Variants in WWOX observed in about 807,000 individuals in gnomAD.
WWOX encodes WW domain-containing oxidoreductase.
WWOX carries 69 observed loss-of-function variants against 46.2 expected under a neutral mutation model. The ratio of observed to expected loss-of-function variants is 1.49; its 90% confidence interval spans 1.23 to 1.82. The LOEUF (loss-of-function observed/expected upper bound fraction) is 1.82, where lower values mean the gene tolerates loss of function less well. WWOX is among the 40% of genes most tolerant of loss of function. The pLI is 0.00. For synonymous variants in WWOX, 359 were observed against 202.6 expected (o/e 1.77, Z -6.56); for missense variants, 919 against 542.6 (o/e 1.69, Z -6.89).
chr16:78,705,677 GTTAT>G (rs945762866), intron 8 of WWOX, among the ~76,000 whole-genome samples: 1 of 152,084 alleles, frequency 6.6e-6, no homozygotes, highest in African/African-American at 2.4e-5. Flanking sequence ...TGTTTATTTA[GTTAT>G]TTATTTATTT....
At chr16:78,883,483 G>T (rs1207652118) in intron 8 of WWOX, among the ~76,000 whole-genome samples, 1 of 152,180 alleles carries the variant, frequency 6.6e-6, no homozygotes, top group African/African-American at 2.4e-5. Context: ...CAGCATTGCG[G>T]GAGGCTGAGG....
chr16:78,684,816 A>C (rs2047817614), intron 8 of WWOX, among the ~76,000 whole-genome samples: 1 of 152,192 alleles, frequency 6.6e-6, no homozygotes, highest in Non-Finnish European at 1.5e-5. Flanking sequence ...GTTTCAGTGA[A>C]GCAGTTATAG....
At chr16:78,714,471 C>A (rs1453198729) in intron 8 of WWOX, among the ~76,000 whole-genome samples, 4 of 151,984 alleles carry the variant, frequency 2.6e-5, no homozygotes, top group Non-Finnish European at 4.4e-5. Flanking sequence ...CGAGTCCCTC[C>A]CATGATACGT....
chr16:78,417,339 T>C (rs1342623184), intron 6 of WWOX, among the ~76,000 whole-genome samples: 1 of 152,154 alleles, frequency 6.6e-6, no homozygotes, highest in Non-Finnish European at 1.5e-5. Context: ...AAGATGCTGC[T>C]GTCTTGGCCT....
At chr16:78,725,419 C>T (rs576320996) in intron 8 of WWOX, among the ~76,000 whole-genome samples, 1 of 129,428 alleles carries the variant, frequency 7.7e-6, no homozygotes, top group Non-Finnish European at 1.5e-5. Context: ...GCAATCTGGG[C>T]TCCCTGCAAA....
intron 8 of WWOX, among the ~76,000 whole-genome samples, chr16:78,892,620 C>T (rs1318138757): frequency 1.3e-5 from 2 of 152,204 alleles, no homozygotes; most frequent in Admixed American, 6.5e-5. Flanking sequence ...TGAGATTCTG[C>T]GTGTGTGAAA....
chr16:79,158,065 C>G (rs1334800790), intron 8 of WWOX, among the ~76,000 whole-genome samples: 1 of 151,976 alleles, frequency 6.6e-6, no homozygotes, highest in African/African-American at 2.4e-5. Flanking sequence ...ATTTATTGAC[C>G]CTGGGAGGGG....
At chr16:78,121,504 C>G (rs549087176) in intron 4 of WWOX, among the ~76,000 whole-genome samples, 218 of 152,188 alleles carry the variant, frequency 1.4e-3, no homozygotes, top group Middle Eastern at 3.4e-3. Flanking sequence ...AAGTAAATAT[C>G]TAAAGGAAGA....
intron 8 of WWOX, among the ~76,000 whole-genome samples, chr16:78,642,306 C>A (rs1287526577): frequency 6.6e-6 from 1 of 152,168 alleles, no homozygotes; most frequent in Non-Finnish European, 1.5e-5. Context: ...AAGGATAGGA[C>A]TAGGAATCAG....
At chr16:78,722,530 G>C (rs547495156) in intron 8 of WWOX, among the ~76,000 whole-genome samples, 68 of 152,248 alleles carry the variant, frequency 4.5e-4, no homozygotes, top group African/African-American at 1.6e-3. Flanking sequence ...TTATTTCATG[G>C]AGTTCAGTAA....
chr16:79,037,398 G>A (rs188370539), intron 8 of WWOX, among the ~76,000 whole-genome samples: 22 of 152,210 alleles, frequency 1.4e-4, no homozygotes, highest in African/African-American at 2.9e-4. Flanking sequence ...GTGTGTTGGG[G>A]GAATGTGATT....
chr16:79,050,107 C>T (rs562730285), intron 8 of WWOX, among the ~76,000 whole-genome samples: 1 of 152,100 alleles, frequency 6.6e-6, no homozygotes, highest in African/African-American at 2.4e-5. Flanking sequence ...GCTGCTGCTG[C>T]GTAACCGTGT....
At chr16:79,210,114 G>C (rs1355809836) in intron 8 of WWOX, among the ~76,000 whole-genome samples, 1 of 152,142 alleles carries the variant, frequency 6.6e-6, no homozygotes, top group South Asian at 2.1e-4. Flanking sequence ...CAAAACCCAA[G>C]TCTTTGTCTC....
Position 78,537,935 on chromosome 16 carries a change from C to G in WWOX, c.1056+105183C>G, listed in dbSNP as rs180785657. Among the ~76,000 whole-genome samples the G allele has an allele frequency of 3.9e-5, 6 of 152,100 alleles. No homozygotes were observed. The East Asian group carries it at 5.8e-4, about 15-fold the overall frequency. Reference sequence around the variant, plus strand: ...GCTGCTTTTCACCTTACAGCAGCCCCGGCCTATCTCTCAGGAGGCCTGCTG... The same window carrying G: ...GCTGCTTTTCACCTTACAGCAGCCCGGGCCTATCTCTCAGGAGGCCTGCTG... On this transcript the variant is annotated intron_variant, in intron 8 of 8. Coordinates refer to ENST00000566780, the MANE Select transcript of WWOX (RefSeq NM_016373.4).
chr16:78,839,110 A>G (rs2052069701), intron 8 of WWOX, among the ~76,000 whole-genome samples: 1 of 152,118 alleles, frequency 6.6e-6, no homozygotes, highest in Non-Finnish European at 1.5e-5. Flanking sequence ...CTGCATGTGA[A>G]TCTACACTTA....
intron 6 of WWOX, among the ~76,000 whole-genome samples, chr16:78,401,085 A>G (rs888042553): frequency 1.3e-5 from 2 of 152,152 alleles, no homozygotes; most frequent in Non-Finnish European, 2.9e-5. Context: ...CTCCCAAAAT[A>G]CTGGGATTAC....
At chr16:78,829,329 A>G (rs951145949) in intron 8 of WWOX, among the ~76,000 whole-genome samples, 5 of 152,198 alleles carry the variant, frequency 3.3e-5, no homozygotes, top group Admixed American at 3.3e-4. Flanking sequence ...GGTTGAAGAC[A>G]GTCAGGCAAA....
chr16:78,237,551 T>C (rs2037483798), intron 5 of WWOX: 1 of 152,172 alleles, frequency 6.6e-6, no homozygotes, highest in African/African-American at 2.4e-5. Context: ...GTTCTCACTC[T>C]GGGAGAGGCC....
intron 8 of WWOX, among the ~76,000 whole-genome samples, chr16:78,472,749 C>T (rs1260614048): frequency 3.7e-5 from 5 of 134,600 alleles, no homozygotes; most frequent in African/African-American, 8.3e-5. Context: ...GTGGAGGTTG[C>T]AGTGAGCCGA....
Sources: allele counts gnomAD v4.1 joint callset (sites outside exome capture counted in the v4.1 genomes callset), GRCh38; gene constraint gnomAD v4.1.1; transcripts MANE v1.5; gene names NCBI Gene and HGNC (gene_info 2026-07-23, HGNC 2026-07-21).